EPHA5: variants seen among roughly 807,000 people sequenced by gnomAD.
The protein encoded by EPHA5 is EPH receptor A5.
EPHA5 carries 60 observed loss-of-function variants against 105.0 expected under a neutral mutation model. That is an observed-to-expected ratio of 0.57 (90% confidence interval 0.46 to 0.71). The LOEUF is 0.71. EPHA5 is among the 30% of genes least tolerant of loss of function. The pLI is 0.00. For missense variants in EPHA5, 1,218 were observed against 1,274.7 expected (o/e 0.96, Z 0.68); for synonymous variants, 513 against 449.1 (o/e 1.14, Z -1.80).
chr4:65,332,650 G>A (rs1018201586), intron 15 of EPHA5, among the ~76,000 whole-genome samples: 1 of 151,622 alleles, frequency 6.6e-6, no homozygotes, highest in Admixed American at 6.6e-5. Flanking sequence ...TATGTGTAGG[G>A]TAAGGAGTAC....
intron 3 of EPHA5, among the ~76,000 whole-genome samples, chr4:65,514,644 T>G (rs973416101): frequency 1.3e-5 from 2 of 151,984 alleles, no homozygotes; most frequent in African/African-American, 4.8e-5. Context: ...AATTACTGAG[T>G]TCAGTGGTTT....
chr4:65,632,534 G>GAAAA (rs1746742069), intron 2 of EPHA5, among the ~76,000 whole-genome samples: 11 of 88,860 alleles, frequency 1.2e-4, no homozygotes, highest in African/African-American at 5.5e-4. Flanking sequence ...TCAATTTTCA[G>GAAAA]CAAAAAAAAA....
chr4:65,455,096 A>AGT (rs2149116069), intron 5 of EPHA5, among the ~76,000 whole-genome samples: 1 of 152,046 alleles, frequency 6.6e-6, no homozygotes, highest in South Asian at 2.1e-4. Flanking sequence ...AGCTGGGAGC[A>AGT]GTGGCGGGCG....
chr4:65,505,885 A>G (rs1380514386), intron 3 of EPHA5, among the ~76,000 whole-genome samples: 1 of 152,140 alleles, frequency 6.6e-6, no homozygotes, highest in East Asian at 1.9e-4. Flanking sequence ...GTTTTAGGGT[A>G]CATGTGCACA....
chr4:65,429,834 G>T (rs987978563), intron 5 of EPHA5, among the ~76,000 whole-genome samples: 1 of 151,984 alleles, frequency 6.6e-6, no homozygotes, highest in African/African-American at 2.4e-5. Context: ...TATGCCAGTA[G>T]ACACAAAAAA....
At chr4:65,381,073 G>T (rs1719514424) in intron 8 of EPHA5, among the ~76,000 whole-genome samples, 1 of 150,890 alleles carries the variant, frequency 6.6e-6, no homozygotes, top group Admixed American at 6.6e-5. Flanking sequence ...TGCACTGTTT[G>T]GGGCTCACAG....
intron 3 of EPHA5, among the ~76,000 whole-genome samples, chr4:65,580,421 ATAAAAT>A (rs1741497061): frequency 6.6e-6 from 1 of 151,864 alleles, no homozygotes; most frequent in African/African-American, 2.4e-5. Context: ...CAAGTTTAAC[ATAAAAT>A]TAAAATATAA....
chr4:65,460,233 T>C (rs1281896886), intron 5 of EPHA5, among the ~76,000 whole-genome samples: 2 of 151,670 alleles, frequency 1.3e-5, no homozygotes, highest in East Asian at 1.9e-4. Flanking sequence ...TTAATGTATG[T>C]AGAATTTTAA....
At chr4:65,455,124 T>C (rs1727450349) in intron 5 of EPHA5, among the ~76,000 whole-genome samples, 1 of 151,798 alleles carries the variant, frequency 6.6e-6, no homozygotes, top group South Asian at 2.1e-4. Context: ...TCCCAGCTAC[T>C]TGGGAGGCTG....
intron 2 of EPHA5, among the ~76,000 whole-genome samples, chr4:65,639,660 T>C (rs1177556118): frequency 6.6e-6 from 1 of 152,198 alleles, no homozygotes; most frequent in Non-Finnish European, 1.5e-5. Flanking sequence ...TTTCCATTAA[T>C]ACTTCAAATA....
At chr4:65,367,519 C>T (rs1718034260) in intron 8 of EPHA5, 95 bp from the exon 9 acceptor site, 1 of 1,125,952 alleles carries the variant, frequency 8.9e-7, no homozygotes, top group Non-Finnish European at 1.3e-6. Flanking sequence ...ATTATTGCAA[C>T]CCTAAACTGA....
intron 5 of EPHA5, among the ~76,000 whole-genome samples, chr4:65,458,186 C>A (rs971060445): frequency 3.4e-5 from 5 of 148,856 alleles, no homozygotes; most frequent in South Asian, 4.3e-4. Context: ...TCAAATTATT[C>A]TTTGCACTTA....
chr4:65,510,392 T>C (rs974377019), intron 3 of EPHA5, among the ~76,000 whole-genome samples: 1 of 152,086 alleles, frequency 6.6e-6, no homozygotes, highest in Non-Finnish European at 1.5e-5. Flanking sequence ...TTTTTCTTAA[T>C]TACTATATTC....
Position 65,461,560 on chromosome 4 carries a change from T to A in EPHA5, c.1402+28817A>T, listed in dbSNP as rs1013964683. ...AGTATTTATTTTACTATATTCTTCATACAAAAATTCCATGAAAACATATCA... is the reference window on the plus strand; with the variant it reads ...AGTATTTATTTTACTATATTCTTCAAACAAAAATTCCATGAAAACATATCA... On this transcript the variant is annotated intron_variant, in intron 5 of 16. Coordinates refer to ENST00000613740, the MANE Select transcript of EPHA5 (RefSeq NM_001281766.3). Among the ~76,000 whole-genome samples, 14 of 152,148 alleles carry A rather than the reference T, an allele frequency of 9.2e-5. No individual in the cohort carries two copies. The East Asian group carries it at 2.7e-3, about 29-fold the overall frequency.
chr4:65,545,470 A>T (rs1737283270), intron 3 of EPHA5, among the ~76,000 whole-genome samples: 1 of 151,964 alleles, frequency 6.6e-6, no homozygotes, highest in African/African-American at 2.4e-5. Context: ...AGTTTTGAAA[A>T]GTGCTTATAA....
At chr4:65,537,103 T>C (rs755900314) in intron 3 of EPHA5, among the ~76,000 whole-genome samples, 6 of 151,772 alleles carry the variant, frequency 4.0e-5, no homozygotes, top group Non-Finnish European at 7.4e-5. Context: ...AAATAGTGAG[T>C]ATCTGTATTT....
chr4:65,586,388 A>G (rs1742127462), intron 3 of EPHA5, among the ~76,000 whole-genome samples: 1 of 151,760 alleles, frequency 6.6e-6, no homozygotes, highest in African/African-American at 2.4e-5. Flanking sequence ...ATGTATAAAC[A>G]TATATAGTCA....
intron 7 of EPHA5, 81 bp downstream of exon 7, chr4:65,414,203 C>G (rs1723175442): frequency 1.6e-6 from 2 of 1,242,822 alleles, no homozygotes; most frequent in African/African-American, 3.0e-5. Flanking sequence ...TGACAGAGTG[C>G]CCAGGGAGGG....
chr4:65,637,569 C>CATATATATATATATATATATATAT (rs34456844), intron 2 of EPHA5, among the ~76,000 whole-genome samples: 8 of 112,434 alleles, frequency 7.1e-5, no homozygotes, highest in Non-Finnish European at 9.4e-5. Context: ...ATGAGTTTTG[C>CATATATATATATATATATATATAT]ATATATATAT....
Sources: allele counts gnomAD v4.1 joint callset (sites outside exome capture counted in the v4.1 genomes callset), GRCh38; gene constraint gnomAD v4.1.1; transcripts MANE v1.5; gene names NCBI Gene and HGNC (gene_info 2026-07-23, HGNC 2026-07-21).